AMTN: variants seen among roughly 807,000 people sequenced by gnomAD.
AMTN encodes RSTI689.
In AMTN, 29 loss-of-function variants were observed where a neutral mutation model predicts 27.4. The observed-to-expected ratio is 1.06, with a 90% confidence interval of 0.79 to 1.44. AMTN has a LOEUF of 1.44. AMTN is among the 40% of genes most tolerant of loss of function. The probability of loss-of-function intolerance (pLI) is 0.00; values close to 1 mark genes in which losing one functional copy is unlikely to be tolerated. For missense variants in AMTN, 247 were observed against 248.8 expected (o/e 0.99, Z 0.05); for synonymous variants, 86 against 95.7 (o/e 0.90, Z 0.59).
chr4:70,525,204 A>G (rs577587565), intron 5 of AMTN, among the ~76,000 whole-genome samples: 2 of 152,348 alleles, frequency 1.3e-5, no homozygotes, highest in African/African-American at 4.8e-5. Context: ...ATGGACAGGA[A>G]ACCTTGAAAA....
intron 2 of AMTN, among the ~76,000 whole-genome samples, chr4:70,522,538 C>A (rs1735998064): frequency 6.6e-6 from 1 of 152,264 alleles, no homozygotes; most frequent in Non-Finnish European, 1.5e-5. Flanking sequence ...TTCATCCCAG[C>A]CCCCTTCCCT....
At chr4:70,522,163 G>A (rs1046483382) in intron 2 of AMTN, among the ~76,000 whole-genome samples, 1 of 151,818 alleles carries the variant, frequency 6.6e-6, no homozygotes, top group Non-Finnish European at 1.5e-5. Flanking sequence ...TGTCACCTTG[G>A]GCAAGTTACT....
intron 2 of AMTN, 109 bp downstream of exon 2, chr4:70,518,940 T>G: frequency 1.2e-6 from 1 of 864,792 alleles, no homozygotes. Context: ...TTGTGACTCA[T>G]TCCCTGAGAG....
intron 3 of AMTN, among the ~76,000 whole-genome samples, chr4:70,523,477 A>C (rs184550989): frequency 6.6e-6 from 1 of 152,166 alleles, no homozygotes; most frequent in Admixed American, 6.5e-5. Context: ...TCTTCTCCTC[A>C]GTCAACAGAA....
At position 70,522,189 on chromosome 4, in the gene AMTN, C is replaced by T. The variant is rs185845237; in HGVS notation, c.55-566C>T. ...GCAAGTTACTGTAAGCATCAGTTGC[C>T]TCATCTATTAGAAAAAAATAATACA... is the stretch of plus-strand genomic sequence containing the variant. On this transcript the variant is annotated intron_variant, in intron 2 of 8. Coordinates refer to ENST00000339336, the MANE Select transcript of AMTN (RefSeq NM_212557.4). Among the ~76,000 whole-genome samples, 199 of 143,768 alleles carry T rather than the reference C, an allele frequency of 1.4e-3. 1 individual carries two copies. The highest frequency in any genetic ancestry group is 2.5e-3 in the Admixed American group (37 of 14,928). The allele number at this position is 143,768 out of a possible 152,430, so 94.3% of individuals were successfully genotyped here. A position where few individuals can be genotyped will look rare whatever the true frequency, so the allele number is the denominator to read the frequency against.
chr4:70,522,675 G>C, intron 2 of AMTN, 80 bp from the exon 3 acceptor site: 2 of 1,323,620 alleles, frequency 1.5e-6, no homozygotes, highest in South Asian at 2.4e-5. Context: ...TGTTTGCATT[G>C]GTGGCAACCT....
At chr4:70,531,802 G>A (rs745787562) in intron 8 of AMTN, among the ~76,000 whole-genome samples, 1 of 151,754 alleles carries the variant, frequency 6.6e-6, no homozygotes, top group Admixed American at 6.6e-5. Context: ...GTGCGCCACC[G>A]CACCTGACCA....
intron 2 of AMTN, among the ~76,000 whole-genome samples, chr4:70,521,914 G>A (rs1055128140): frequency 4.6e-5 from 7 of 152,126 alleles, no homozygotes; most frequent in Admixed American, 2.0e-4. Context: ...ATGAGCCACC[G>A]TGCCCAGCCC....
At chr4:70,531,711 C>T (rs182214947) in intron 8 of AMTN, among the ~76,000 whole-genome samples, 1 of 152,300 alleles carries the variant, frequency 6.6e-6, no homozygotes, top group Admixed American at 6.5e-5. Flanking sequence ...AGAGTTCAAC[C>T]ATGTTGACCA....
intron 5 of AMTN, among the ~76,000 whole-genome samples, chr4:70,526,815 T>C (rs1289530094): frequency 6.6e-6 from 1 of 152,134 alleles, no homozygotes; most frequent in Non-Finnish European, 1.5e-5. Context: ...TGCAATATTA[T>C]AAATCAGTCC....
At chr4:70,528,478 G>A (rs771648223) in intron 5 of AMTN, among the ~76,000 whole-genome samples, 38 of 152,122 alleles carry the variant, frequency 2.5e-4, no homozygotes, top group Middle Eastern at 3.4e-3. Context: ...GTGAAACCCC[G>A]TCTCTACTAA....
rs138859351 is a variant in AMTN, at chr4:70,524,938, G to A, written c.271G>A (p.Val91Ile). Residue 91 changes from valine (V) to isoleucine (I), a missense_variant, in exon 5 of 9, where the codon GTA (valine) becomes ATA (isoleucine). Physicochemically the swap from Val to Ile is conservative, Grantham distance 29. Transcript: ENST00000339336. Reference protein sequence around the residue: ...THPLTLGGLNVQQQLHPHVLP... With the variant: ...THPLTLGGLNIQQQLHPHVLP... ...CCCATTGACCCTGGGAGGGTTGAATGTACAACAGCAACTGCACCCACATGT... is the reference window on the plus strand; with the variant it reads ...CCCATTGACCCTGGGAGGGTTGAATATACAACAGCAACTGCACCCACATGT... 1 of 1,614,000 alleles carries A rather than the reference G, an allele frequency of 6.2e-7. No individual in the cohort carries two copies. The highest frequency in any genetic ancestry group is 1.3e-5 in the African/African-American group (1 of 75,020).
Position 70,523,928 on chromosome 4 carries a change from C to T in AMTN, c.199C>T (p.His67Tyr), listed in dbSNP as rs770967888. 7.4e-6 allele frequency: 12 copies of T among 1,611,388 alleles called. No individual in the cohort carries two copies. Among genetic ancestry groups the T allele is most frequent in the Admixed American group, 1.7e-5 (1 of 59,954 alleles). The stretch of plus-strand genomic sequence containing the variant: ...GATGCTCACACTGGGGCCAGATCTG[C>T]ATCTGGTAAGTGATTGTTTATATTA... ...TQMLTLGPDL[H>Y]LLNPAAGMTP... is the part of the protein sequence containing the mutation. Residue 67 changes from histidine (H) to tyrosine (Y), a missense_variant, in exon 4 of 9, where the codon CAT (histidine) becomes TAT (tyrosine). His to Tyr is a moderately conservative substitution (Grantham distance 83). Coordinates refer to ENST00000339336, the MANE Select transcript of AMTN (RefSeq NM_212557.4).
chr4:70,521,378 TAAA>T (rs58094819), intron 2 of AMTN, among the ~76,000 whole-genome samples: 8 of 115,028 alleles, frequency 7.0e-5, no homozygotes, highest in East Asian at 2.4e-4. Flanking sequence ...AGACTCCACT[TAAA>T]AAAAAAAAAA....
At chr4:70,520,194 G>C (rs755102500) in intron 2 of AMTN, among the ~76,000 whole-genome samples, 15 of 152,166 alleles carry the variant, frequency 9.9e-5, no homozygotes, top group Non-Finnish European at 2.1e-4. Context: ...GGCTGTGCAG[G>C]CCACAGCAGA....
rs1255292449 is a variant in AMTN, at chr4:70,522,737, T to C, written c.55-18T>C. ...ACACATTCCTGCCTCATCAAATATG[T>C]ATTTGTTTTCACAAAAGCAGCTCAA... On this transcript the variant is annotated intron_variant, in intron 2 of 8. Transcript: ENST00000339336. 1 of 1,613,042 alleles carries C rather than the reference T, an allele frequency of 6.2e-7. No homozygotes were observed. The highest frequency in any genetic ancestry group is 1.3e-5 in the African/African-American group (1 of 74,902).
At chr4:70,532,414 A>G (rs1476035337) in intron 8 of AMTN, 41 bp from the exon 9 acceptor site, 3 of 1,504,046 alleles carry the variant, frequency 2.0e-6, no homozygotes, top group Non-Finnish European at 2.8e-6. Context: ...TGTTAAATAT[A>G]CTTTTTACCT....
chr4:70,523,456 AG>A (rs2109770788), intron 3 of AMTN, among the ~76,000 whole-genome samples: 1 of 152,348 alleles, frequency 6.6e-6, no homozygotes, highest in South Asian at 2.1e-4. Flanking sequence ...AGATAACACT[AG>A]AGTCTAAAGT....
chr4:70,525,301 G>T (rs1027554495), intron 5 of AMTN, among the ~76,000 whole-genome samples: 1 of 152,188 alleles, frequency 6.6e-6, no homozygotes, highest in Non-Finnish European at 1.5e-5. Context: ...TTCTCTTGAA[G>T]ACTTTCTTGG....
Sources: allele counts gnomAD v4.1 joint callset (sites outside exome capture counted in the v4.1 genomes callset), GRCh38; gene constraint gnomAD v4.1.1; transcripts MANE v1.5; gene names NCBI Gene and HGNC (gene_info 2026-07-23, HGNC 2026-07-21).